ARMC9: variants seen among roughly 807,000 people sequenced by gnomAD.
ARMC9 encodes the protein lisH domain-containing protein ARMC9.
In ARMC9, 94 loss-of-function variants were observed where a neutral mutation model predicts 107.0. That is an observed-to-expected ratio of 0.88 (90% CI 0.74 to 1.04). ARMC9 has a LOEUF of 1.04. ARMC9 is among the 50% of genes least tolerant of loss of function. The pLI is 0.00. For missense variants in ARMC9, 942 were observed against 1,030.1 expected (o/e 0.91, Z 1.17); for synonymous variants, 380 against 396.9 (o/e 0.96, Z 0.51).
intron 4 of ARMC9, among the ~76,000 whole-genome samples, chr2:231,215,575 T>C (rs900562190): frequency 2.6e-5 from 4 of 152,334 alleles, no homozygotes; most frequent in South Asian, 4.1e-4. Flanking sequence ...TTAGCATCTG[T>C]AGTCCTTTCC....
intron 19 of ARMC9, among the ~76,000 whole-genome samples, chr2:231,327,212 G>A (rs927156073): frequency 3.3e-5 from 5 of 152,300 alleles, no homozygotes; most frequent in South Asian, 2.1e-4. Flanking sequence ...GTCGGCGTTC[G>A]AGTATACAGA....
intron 23 of ARMC9, among the ~76,000 whole-genome samples, chr2:231,365,317 C>T (rs1008051234): frequency 1.3e-5 from 2 of 152,160 alleles, no homozygotes; most frequent in Admixed American, 1.3e-4. Flanking sequence ...ATTAGAGCAG[C>T]CTGGCCCTTA....
At chr2:231,288,221 C>T (rs1228246316) in intron 17 of ARMC9, among the ~76,000 whole-genome samples, 1 of 151,974 alleles carries the variant, frequency 6.6e-6, no homozygotes, top group Non-Finnish European at 1.5e-5. Flanking sequence ...TTTTATTGAA[C>T]ATGAAAATGA....
intron 9 of ARMC9, among the ~76,000 whole-genome samples, chr2:231,251,103 T>C (rs572534197): frequency 6.6e-6 from 1 of 152,098 alleles, no homozygotes; most frequent in Non-Finnish European, 1.5e-5. Flanking sequence ...ATGGAATCAG[T>C]AGGACCTGAT....
rs535605605 is a variant in ARMC9 at position 231,221,666 on chromosome 2, CA to C, written c.505-1048del. On this transcript the variant is annotated intron_variant, in intron 5 of 24. Transcript: ENST00000611582. ...CAACATGGTGAAACCCCGTCTCTAC[CA>C]AAAAAAAAAAAAATACAAAAATTAG... Among the ~76,000 whole-genome samples the C allele has an allele frequency of 6.4e-3, 862 of 134,372 alleles. 1 individual carries two copies. Among genetic ancestry groups the C allele is most frequent in the African/African-American group, 0.013 (478 of 36,688 alleles). 88.2% of individuals were successfully genotyped at this position (134,372 alleles called of 152,430 possible).
chr2:231,238,335 G>A (rs1396518393), intron 8 of ARMC9, among the ~76,000 whole-genome samples: 1 of 152,088 alleles, frequency 6.6e-6, no homozygotes. Flanking sequence ...AAAAATACAA[G>A]ATGAAAAAGG....
intron 21 of ARMC9, among the ~76,000 whole-genome samples, chr2:231,345,761 T>C (rs2044785333): frequency 6.6e-6 from 1 of 152,218 alleles, no homozygotes; most frequent in African/African-American, 2.4e-5. Context: ...GAGAGCAGGC[T>C]AAAAACCTCC....
chr2:231,230,356 A>C lies in ARMC9; in HGVS notation c.622+3558A>C, dbSNP rs573596672. Among the ~76,000 whole-genome samples the C allele has an allele frequency of 4.7e-4, 71 of 152,276 alleles. 1 individual carries two copies. Among genetic ancestry groups the C allele is most frequent in the African/African-American group, 1.7e-3 (69 of 41,570 alleles). On this transcript the variant is annotated intron_variant, in intron 7 of 24. Transcript: ENST00000611582. ...GTGGCAAAGCCAGACTCCGTCTCAA[A>C]AAAAAAAAGAAGAGGAAATTGAGGT...
At chr2:231,266,972 G>T (rs931859165) in intron 12 of ARMC9, among the ~76,000 whole-genome samples, 4 of 152,316 alleles carry the variant, frequency 2.6e-5, no homozygotes, top group South Asian at 4.1e-4. Context: ...GCATAATACA[G>T]TGTTTGCTTT....
chr2:231,318,913 A>T (rs1363251325), intron 19 of ARMC9, among the ~76,000 whole-genome samples: 1 of 152,218 alleles, frequency 6.6e-6, no homozygotes, highest in Non-Finnish European at 1.5e-5. Flanking sequence ...GCCTTCAACA[A>T]ATAAGCAGAG....
At chr2:231,224,742 C>G (rs2034482680) in intron 6 of ARMC9, among the ~76,000 whole-genome samples, 1 of 152,096 alleles carries the variant, frequency 6.6e-6, no homozygotes, top group South Asian at 2.1e-4. Flanking sequence ...TACTATGAGT[C>G]AAATATTGTT....
chr2:231,354,494 G>A (rs1196664724), intron 21 of ARMC9, among the ~76,000 whole-genome samples: 7 of 149,188 alleles, frequency 4.7e-5, no homozygotes. Flanking sequence ...CGATTCTCCT[G>A]CCTCAGCCTC....
chr2:231,302,437 G>GTTTTTTTTTTTTTTTTTT (rs56032700), intron 19 of ARMC9, among the ~76,000 whole-genome samples: 1 of 58,072 alleles, frequency 1.7e-5, no homozygotes, highest in Admixed American at 2.6e-4. Context: ...TTGTGGGTTT[G>GTTTTTTTTTTTTTTTTTT]TTTTTTTTTT....
At chr2:231,310,069 ATAAC>A (rs2125510239) in intron 19 of ARMC9, among the ~76,000 whole-genome samples, 1 of 152,330 alleles carries the variant, frequency 6.6e-6, no homozygotes, top group South Asian at 2.1e-4. Flanking sequence ...CGAGGACTAC[ATAAC>A]TAACTGATAG....
intron 21 of ARMC9, 36 bp downstream of exon 21, chr2:231,345,126 C>G (rs200117043): frequency 1.3e-4 from 204 of 1,605,354 alleles, no homozygotes; most frequent in Admixed American, 2.6e-4. Context: ...AATTGACTTT[C>G]TTAAGCTTTG....
At chr2:231,272,553 G>A (rs548991280) in intron 13 of ARMC9, among the ~76,000 whole-genome samples, 2 of 151,648 alleles carry the variant, frequency 1.3e-5, no homozygotes, top group South Asian at 4.2e-4. Flanking sequence ...GTCTCGCTCC[G>A]TCATTCAGGC....
chr2:231,217,882 G>A (rs1181821807), intron 5 of ARMC9, among the ~76,000 whole-genome samples: 1 of 152,070 alleles, frequency 6.6e-6, no homozygotes, highest in East Asian at 1.9e-4. Context: ...TAGTAGAGAT[G>A]GGGTTTCACC....
In ARMC9 at chr2:231,296,241, T is replaced by C. The variant is rs529082058; in HGVS notation, c.1761T>C (p.Asp587=). 1 of 1,613,444 alleles carries C rather than the reference T, an allele frequency of 6.2e-7. No homozygotes were observed. The highest frequency in any genetic ancestry group is 1.1e-5 in the South Asian group (1 of 90,946). The change falls in exon 19 of 25, where the codon GAT becomes GAC. Residue 587 remains aspartate, a synonymous_variant. Transcript: ENST00000611582. ...DGVLESDDDE[D]EDDEEDHDIM... Reference sequence around the variant, plus strand: ...TTCTTGAATCTGATGATGATGAAGATGAAGATGATGAAGTAAGTTGGAGGT... The same window carrying C: ...TTCTTGAATCTGATGATGATGAAGACGAAGATGATGAAGTAAGTTGGAGGT...
rs796834285 is a variant in ARMC9, at chr2:231,211,158, A to ACC, written c.177+2910_177+2911dup. On this transcript the variant is annotated intron_variant, in intron 3 of 24. Transcript: ENST00000611582. The stretch of plus-strand genomic sequence containing the variant: ...CACATACACACACACACACACACAC[A>ACC]CCCCCACAGTTTATCTGTTCTTCTG... Among the ~76,000 whole-genome samples the ACC allele has an allele frequency of 1.3e-4, 18 of 143,660 alleles. No individual in the cohort carries two copies. In the East Asian group the frequency reaches 1.4e-3, roughly 11 times the overall value. The allele number at this position is 143,660 out of a possible 152,430, so 94.2% of individuals were successfully genotyped here. A position where few individuals can be genotyped will look rare whatever the true frequency, so the allele number is the denominator to read the frequency against.
Sources: allele counts gnomAD v4.1 joint callset (sites outside exome capture counted in the v4.1 genomes callset), GRCh38; gene constraint gnomAD v4.1.1; transcripts MANE v1.5; gene names NCBI Gene and HGNC (gene_info 2026-07-23, HGNC 2026-07-21).